The following SPEF2 variants were observed in gnomAD, a reference collection of about 807,000 sequenced individuals.
SPEF2 encodes the protein sperm flagella and cilia-associated protein 2.
A neutral mutation model predicts 224.6 loss-of-function variants in SPEF2; 187 were observed. That is an observed-to-expected ratio of 0.83 (90% CI 0.74 to 0.94). The LOEUF is 0.94. Among genes scored for constraint, SPEF2 ranks in the 40% least tolerant of loss-of-function variants. The pLI is 0.00. For missense variants in SPEF2, 2,170 were observed against 2,135.6 expected, an observed-to-expected ratio of 1.02 and a Z score of -0.32; for synonymous variants, 715 against 707.3, an observed-to-expected ratio of 1.01 and a Z score of -0.17.
At chr5:35,727,085 T>C (rs1289735229) in intron 20 of SPEF2, among the ~76,000 whole-genome samples, 3 of 148,828 alleles carry the variant, frequency 2.0e-5, no homozygotes, top group Non-Finnish European at 4.5e-5. Flanking sequence ...CCACAGCAAC[T>C]ACCTTCATCT....
chr5:35,813,879 A>G (rs1264536048), intron 36 of SPEF2, among the ~76,000 whole-genome samples: 1 of 152,106 alleles, frequency 6.6e-6, no homozygotes, highest in Non-Finnish European at 1.5e-5. Flanking sequence ...TGTATTTTTC[A>G]CATGTTGGTA....
intron 21 of SPEF2, 58 bp downstream of exon 21, chr5:35,727,881 A>T (rs968361275): frequency 6.4e-7 from 1 of 1,555,188 alleles, no homozygotes; most frequent in East Asian, 2.3e-5. Flanking sequence ...ATATAGTAAG[A>T]TTCACACTGT....
chr5:35,753,525 G>A, intron 23 of SPEF2, 99 bp from the exon 24 acceptor site: 2 of 1,533,088 alleles, frequency 1.3e-6, no homozygotes, highest in Non-Finnish European at 1.8e-6. Context: ...TTTCTTTAGA[G>A]ACATTTTTAA....
chr5:35,763,611 ACTCC>A lies in SPEF2; in HGVS notation c.3713_3716del (p.Ser1238Ter). ...TCAGTACTGAAGGGCAAGATGGATA[ACTCC>A]CTAGAAAACGTTGAGTCCAACTTTG... On this transcript the variant is annotated frameshift_variant, in exon 26 of 37. Transcript: ENST00000356031. LOFTEE classifies it high-confidence loss of function. 3 of 1,613,912 alleles carry A rather than the reference ACTCC, an allele frequency of 1.9e-6. No individual in the cohort carries two copies. The highest frequency in any genetic ancestry group is 2.5e-6 in the Non-Finnish European group (3 of 1,179,922).
In SPEF2 at chr5:35,659,202, G is replaced by C; in HGVS notation, c.1162G>C (p.Glu388Gln). Residue 388 changes from glutamate to glutamine, a missense_variant, in exon 8 of 37, where the codon GAA becomes CAA. By Grantham distance (29) the Glu-to-Gln change is conservative (BLOSUM62 2). Coordinates refer to ENST00000356031, the MANE Select transcript of SPEF2 (RefSeq NM_024867.4). Reference protein sequence around the residue: ...LKDFQDALDREAALAKQAKID... With the variant: ...LKDFQDALDRQAALAKQAKID... ...AGATTTCCAGGATGCTCTTGATCGA[G>C]AAGCGGTAAATACCATCTTCCTTAG... The C allele has an allele frequency of 6.2e-7, 1 of 1,606,048 alleles. No individual in the cohort carries two copies. Among genetic ancestry groups the C allele is most frequent in the Non-Finnish European group, 8.5e-7 (1 of 1,175,244 alleles).
At chr5:35,633,083 T>A (rs1210823704) in intron 2 of SPEF2, 1 of 152,212 alleles carries the variant, frequency 6.6e-6, no homozygotes, top group African/African-American at 2.4e-5. Flanking sequence ...ATGTTTCATA[T>A]GCACTTGAAG....
chr5:35,726,789 A>G (rs1738287598), intron 20 of SPEF2, among the ~76,000 whole-genome samples: 1 of 152,198 alleles, frequency 6.6e-6, no homozygotes, highest in Non-Finnish European at 1.5e-5. Flanking sequence ...GTGAATTTCC[A>G]AACTGTAATA....
chr5:35,787,856 T>C (rs1232993365), intron 30 of SPEF2: 2 of 559,234 alleles, frequency 3.6e-6, no homozygotes, highest in African/African-American at 1.9e-5. Flanking sequence ...AATGTGGAGT[T>C]ATTTTAAAGG....
At chr5:35,776,489 G>A in intron 29 of SPEF2, 94 bp downstream of exon 29, 1 of 1,421,412 alleles carries the variant, frequency 7.0e-7, no homozygotes, top group Non-Finnish European at 9.5e-7. Context: ...ATTTAAGTTA[G>A]TTACAAATAT....
intron 16 of SPEF2, among the ~76,000 whole-genome samples, chr5:35,702,811 TGA>T (rs1325071612): frequency 1.3e-5 from 2 of 152,188 alleles, no homozygotes; most frequent in Non-Finnish European, 2.9e-5. Flanking sequence ...AAGTTTTTGT[TGA>T]GTATAAAATG....
Position 35,659,219 on chromosome 5 carries a change from C to T in SPEF2, c.1167+12C>T. On this transcript the variant is annotated intron_variant, in intron 8 of 36. Transcript: ENST00000356031. ...TTGATCGAGAAGCGGTAAATACCAT[C>T]TTCCTTAGAAATCTTTCTAAGGTTA... 1.3e-6 allele frequency: 2 copies of T among 1,579,656 alleles called. No homozygotes were observed. Among genetic ancestry groups the T allele is most frequent in the Non-Finnish European group, 1.7e-6 (2 of 1,159,370 alleles).
At chr5:35,728,454 C>T (rs1745056079) in intron 21 of SPEF2, among the ~76,000 whole-genome samples, 1 of 152,150 alleles carries the variant, frequency 6.6e-6, no homozygotes. Flanking sequence ...ACTTTTTAAA[C>T]AGCAAAGAGC....
intron 16 of SPEF2, among the ~76,000 whole-genome samples, chr5:35,701,688 G>T (rs1002066065): frequency 6.6e-6 from 1 of 152,078 alleles, no homozygotes; most frequent in Non-Finnish European, 1.5e-5. Flanking sequence ...AATGATTCGT[G>T]TTCTTAGAAA....
At position 35,672,639 on chromosome 5, in the gene SPEF2, T is replaced by A. The variant is rs370645489; in HGVS notation, c.1524+2412T>A. Among the ~76,000 whole-genome samples, 392 of 152,042 alleles carry A rather than the reference T, an allele frequency of 2.6e-3. 28 individuals carry two copies. In the South Asian group the frequency reaches 0.08, roughly 31 times the overall value. On this transcript the variant is annotated intron_variant, in intron 10 of 36. Coordinates refer to ENST00000356031, the MANE Select transcript of SPEF2 (RefSeq NM_024867.4). ...AGTATAATAGTATAATACATTTGCTTGAACAAATAGTGTAATACATTTGCT... is the reference window on the plus strand; with the variant it reads ...AGTATAATAGTATAATACATTTGCTAGAACAAATAGTGTAATACATTTGCT...
chr5:35,700,387 G>A, intron 15 of SPEF2, 109 bp from the exon 16 acceptor site: 1 of 958,096 alleles, frequency 1.0e-6, no homozygotes, highest in South Asian at 1.7e-5. Context: ...TGAAATTCAT[G>A]CAGTAGGAAG....
rs535478468 is a variant in SPEF2 at position 35,723,632 on chromosome 5, G to A, written c.2915-4043G>A. ...TGTTTATAATAATGCTGTTGAAATA[G>A]AAATAAAAATCCAAAGCCCTGAAAT... On this transcript the variant is annotated intron_variant, in intron 20 of 36. Transcript: ENST00000356031. Among the ~76,000 whole-genome samples, 229 of 152,184 alleles carry A rather than the reference G, an allele frequency of 1.5e-3. 2 individuals carry two copies. Among genetic ancestry groups the A allele is most frequent in the African/African-American group, 5.3e-3 (222 of 41,526 alleles).
At position 35,792,360 on chromosome 5, in the gene SPEF2, T is replaced by A. The variant is rs1756087040; in HGVS notation, c.4468T>A (p.Phe1490Ile). The A allele has an allele frequency of 6.2e-7, 1 of 1,613,614 alleles. No homozygotes were observed. Among genetic ancestry groups the A allele is most frequent in the Middle Eastern group, 1.7e-4 (1 of 6,056 alleles). ...TATAGGCATAATAGGAAATAAAGCA[T>A]TTACTGACATTCTGATCGATTTGGT... ...APKGIIGNKA[F>I]TDILIDLVTL... Residue 1490 changes from phenylalanine (F) to isoleucine (I), a missense_variant, in exon 31 of 37, where the codon TTT becomes ATT. Phe to Ile is a conservative substitution (Grantham distance 21). Transcript: ENST00000356031.
intron 23 of SPEF2, among the ~76,000 whole-genome samples, chr5:35,751,738 G>A (rs753547594): frequency 2.0e-5 from 3 of 152,138 alleles, no homozygotes; most frequent in Non-Finnish European, 4.4e-5. Flanking sequence ...CAATGTCACA[G>A]AAATAAAATT....
intron 3 of SPEF2, among the ~76,000 whole-genome samples, chr5:35,643,246 A>G (rs983744649): frequency 3.3e-5 from 5 of 152,160 alleles, no homozygotes; most frequent in African/African-American, 9.7e-5. Flanking sequence ...CTGAACAAAT[A>G]TTTATTGGGC....
Sources: gnomAD v4.1 joint callset for allele counts (sites outside exome capture counted in the v4.1 genomes callset) on GRCh38, gnomAD v4.1.1 for gene constraint, MANE v1.5 for transcripts, NCBI Gene and HGNC (gene_info 2026-07-23, HGNC 2026-07-21) for gene names.